Variants in SLC22A9 observed in about 807,000 individuals in gnomAD.
SLC22A9 encodes solute carrier family 22 member 9.
A neutral mutation model predicts 50.1 loss-of-function variants in SLC22A9; 64 were observed. The observed-to-expected ratio is 1.28, with a 90% CI of 1.04 to 1.57. The LOEUF (loss-of-function observed/expected upper bound fraction) is 1.57. Among genes scored for constraint, SLC22A9 ranks in the 40% most tolerant of loss-of-function variants. The pLI is 0.00. For synonymous variants in SLC22A9, 261 were observed against 242.5 expected (o/e 1.08, Z -0.71); for missense variants, 757 against 676.1 (o/e 1.12, Z -1.33).
intron 6 of SLC22A9, among the ~76,000 whole-genome samples, chr11:63,395,581 T>C (rs887721183): frequency 9.8e-5 from 15 of 152,296 alleles, no homozygotes; most frequent in African/African-American, 3.6e-4. Context: ...TCTATTGGTC[T>C]CTCGGCCATG....
At chr11:63,394,783 T>TG (rs2014823453) in intron 6 of SLC22A9, among the ~76,000 whole-genome samples, 1 of 152,196 alleles carries the variant, frequency 6.6e-6, no homozygotes, top group South Asian at 2.1e-4. Flanking sequence ...CTAGCAAGGC[T>TG]GGGGAAGTTT....
At position 63,371,653 on chromosome 11, in the gene SLC22A9, C is replaced by T. The variant is rs535542581; in HGVS notation, c.506+415C>T. ...AGAGAATTGTCATTACATCATAGTT[C>T]CAAGTGTGATGAACACGCATTCCTC... On this transcript the variant is annotated intron_variant, in intron 2 of 9. Transcript: ENST00000279178. Among the ~76,000 whole-genome samples the T allele has an allele frequency of 2.0e-5, 3 of 152,242 alleles. No individual in the cohort carries two copies. In the East Asian group the frequency reaches 5.8e-4, roughly 29 times the overall value.
chr11:63,378,137 C>G (rs1438287909), intron 5 of SLC22A9, among the ~76,000 whole-genome samples: 1 of 151,738 alleles, frequency 6.6e-6, no homozygotes, highest in African/African-American at 2.4e-5. Context: ...GAGCTTGTAC[C>G]AATCCTACTG....
At chr11:63,406,123 G>A (rs1329356446) in intron 6 of SLC22A9, among the ~76,000 whole-genome samples, 1 of 152,060 alleles carries the variant, frequency 6.6e-6, no homozygotes, top group East Asian at 1.9e-4. Context: ...CACACTTTTA[G>A]TCATCATCTT....
chr11:63,392,338 C>T (rs1245848757), intron 6 of SLC22A9, among the ~76,000 whole-genome samples: 1 of 152,054 alleles, frequency 6.6e-6, no homozygotes, highest in Non-Finnish European at 1.5e-5. Context: ...TATATTCCTG[C>T]TCATCAATGT....
rs551960438 is a variant in SLC22A9, at chr11:63,409,011, C to G, written c.1601+132C>G. 3.7e-4 allele frequency: 355 copies of G among 968,662 alleles called. 3 individuals carry two copies. In the South Asian group the frequency reaches 4.9e-3, roughly 13 times the overall value. The allele number at this position is 968,662 out of a possible 1,614,324, so 60.0% of individuals were successfully genotyped here. ...TTAGGATTTTCCCATGTAATCAGTG[C>G]CTTAGGTCTAGGTACAGCCACATGC... is the stretch of plus-strand genomic sequence containing the variant. On this transcript the variant is annotated intron_variant, in intron 9 of 9. Transcript: ENST00000279178.
rs553060302 is a variant in SLC22A9, at chr11:63,376,862, C to A, written c.954+1094C>A. On this transcript the variant is annotated intron_variant, in intron 5 of 9. Transcript: ENST00000279178. ...AGTGAAAGGATAAAGAAAAATCTAA[C>A]AAGCAAATGGAAAACAAAAAAAGAG... 1.1e-4 allele frequency among the ~76,000 whole-genome samples: 16 copies of A among 151,590 alleles called. No homozygotes were observed. The South Asian group carries it at 2.9e-3, about 28-fold the overall frequency.
At position 63,370,326 on chromosome 11, in the gene SLC22A9, C is replaced by T; in HGVS notation, c.270C>T (p.Arg90=). The T allele has an allele frequency of 1.9e-6, 3 of 1,614,000 alleles. No homozygotes were observed. Among genetic ancestry groups the T allele is most frequent in the Non-Finnish European group, 2.5e-6 (3 of 1,179,902 alleles). ...ACATGAGGCCAGAGAAGTGTCGTCG[C>T]TTTGTTCATCCTCAGTGGCAGCTCC... is the stretch of plus-strand genomic sequence containing the variant. ...DSNMRPEKCR[R]FVHPQWQLLH... Residue 90 remains arginine (R), a synonymous_variant, in exon 1 of 10, where the codon CGC becomes CGT. Transcript: ENST00000279178.
intron 6 of SLC22A9, among the ~76,000 whole-genome samples, chr11:63,386,854 T>C (rs1461055584): frequency 1.3e-5 from 2 of 151,866 alleles, no homozygotes; most frequent in Non-Finnish European, 2.9e-5. Flanking sequence ...TTTTGTTTTT[T>C]GTTTTGTTTT....
At chr11:63,407,568 T>A (rs967425700) in intron 7 of SLC22A9, among the ~76,000 whole-genome samples, 25 of 152,190 alleles carry the variant, frequency 1.6e-4, no homozygotes, top group African/African-American at 5.8e-4. Context: ...AGTCTGACTT[T>A]TTTTCCTCTT....
chr11:63,393,380 C>G (rs1422517528), intron 6 of SLC22A9, among the ~76,000 whole-genome samples: 1 of 152,082 alleles, frequency 6.6e-6, no homozygotes, highest in Non-Finnish European at 1.5e-5. Context: ...GTTCTAGGAA[C>G]TTTCTGGAGG....
chr11:63,408,826 TC>T lies in SLC22A9; in HGVS notation c.1550del (p.Pro517LeufsTer34), dbSNP rs746426757. 1.9e-5 allele frequency: 31 copies of T among 1,613,902 alleles called. No homozygotes were observed. The South Asian group carries it at 3.2e-4, about 17-fold the overall frequency. On this transcript the variant is annotated frameshift_variant, in exon 9 of 10. Transcript: ENST00000279178. LOFTEE classifies it high-confidence loss of function. ...FISGFAFLLL[P>X]ETRNKPLFDT... ...TCTCTGGCTTTGCTTTCCTCCTCCTTCCTGAAACCAGGAACAAGCCTCTGTT... is the reference window on the plus strand; with the variant it reads ...TCTCTGGCTTTGCTTTCCTCCTCCTTCTGAAACCAGGAACAAGCCTCTGTT...
At chr11:63,389,316 A>G (rs1362024324) in intron 6 of SLC22A9, among the ~76,000 whole-genome samples, 10 of 151,790 alleles carry the variant, frequency 6.6e-5, no homozygotes, top group Admixed American at 6.6e-4. Context: ...ATTTGTCTTA[A>G]TGCTATCCCT....
chr11:63,387,237 T>C (rs1472854301), intron 6 of SLC22A9, among the ~76,000 whole-genome samples: 3 of 152,066 alleles, frequency 2.0e-5, no homozygotes, highest in Admixed American at 2.0e-4. Context: ...CCTGGAGAAT[T>C]TTCCCAATTT....
Position 63,375,851 on chromosome 11 carries a change from TA to T in SLC22A9, c.954+90del, listed in dbSNP as rs142208858. ...CTTAGCAGTAGCAGTGTCCATAAGG[TA>T]AAAAAAGGAAAGAAACACAGGTATG... On this transcript the variant is annotated intron_variant, in intron 5 of 9. Transcript: ENST00000279178. 13 of 1,520,750 alleles carry T rather than the reference TA, an allele frequency of 8.5e-6. No homozygotes were observed. The East Asian group carries it at 1.8e-4, about 22-fold the overall frequency. 94.2% of individuals were successfully genotyped at this position (1,520,750 alleles called of 1,614,324 possible). A position where few individuals can be genotyped will look rare whatever the true frequency, so the allele number is the denominator to read the frequency against.
rs1329025465 is a variant in SLC22A9 at position 63,397,945 on chromosome 11, TAGA to T, written c.1074-8549_1074-8547del. 7.9e-5 allele frequency among the ~76,000 whole-genome samples: 12 copies of T among 152,160 alleles called. No homozygotes were observed. The South Asian group carries it at 1.0e-3, about 13-fold the overall frequency. ...TAATCTTGGCTCTTCTTTTCTCAAG[TAGA>T]AGGAGTGTCTCCCCTTAATTACCAC... On this transcript the variant is annotated intron_variant, in intron 6 of 9. Coordinates refer to ENST00000279178, the MANE Select transcript of SLC22A9 (RefSeq NM_080866.3).
chr11:63,401,484 C>CA (rs1483809716), intron 6 of SLC22A9, among the ~76,000 whole-genome samples: 2 of 152,016 alleles, frequency 1.3e-5, no homozygotes, highest in East Asian at 1.9e-4. Context: ...TAAGCTGATA[C>CA]AAAAAATAGA....
At chr11:63,406,145 T>C (rs910088150) in intron 6 of SLC22A9, among the ~76,000 whole-genome samples, 2 of 152,140 alleles carry the variant, frequency 1.3e-5, no homozygotes, top group African/African-American at 2.4e-5. Flanking sequence ...GTAGGTAGTA[T>C]TATACTTTTG....
chr11:63,382,373 T>C, intron 6 of SLC22A9, 96 bp downstream of exon 6: 1 of 861,052 alleles, frequency 1.2e-6, no homozygotes, highest in East Asian at 2.6e-5. Context: ...GAAACAGATT[T>C]GCACATAAAA....
Sources: allele counts gnomAD v4.1 joint callset (sites outside exome capture counted in the v4.1 genomes callset), GRCh38; gene constraint gnomAD v4.1.1; transcripts MANE v1.5; gene names NCBI Gene and HGNC (gene_info 2026-07-23, HGNC 2026-07-21).